Variants in SHISA9 observed in about 807,000 individuals in gnomAD.
SHISA9 encodes shisa family member 9.
A neutral mutation model predicts 38.0 loss-of-function variants in SHISA9; 13 were observed. The ratio of observed to expected loss-of-function variants is 0.34; its 90% confidence interval spans 0.22 to 0.54. The LOEUF (loss-of-function observed/expected upper bound fraction) is 0.54. Among genes scored for constraint, SHISA9 ranks in the 20% least tolerant of loss-of-function variants. SHISA9 has a pLI of 0.91. For synonymous variants in SHISA9, 275 were observed against 242.0 expected (o/e 1.14, Z -1.27); for missense variants, 538 against 575.8 (o/e 0.93, Z 0.67).
the SHISA9 span, among the ~76,000 whole-genome samples, chr16:13,406,552 C>T: frequency 1.3e-5 from 2 of 152,202 alleles, no homozygotes; most frequent in Admixed American, 1.3e-4. Context: ...CTGTCTTGTA[C>T]TCCTTCTTCA....
the SHISA9 span, among the ~76,000 whole-genome samples, chr16:13,305,923 T>TTC: frequency 6.6e-6 from 1 of 152,234 alleles, no homozygotes; most frequent in Non-Finnish European, 1.5e-5. Flanking sequence ...GCTAGACCCT[T>TTC]TCTAGAGACA....
chr16:13,406,471 T>C, the SHISA9 span, among the ~76,000 whole-genome samples: 172 of 152,336 alleles, frequency 1.1e-3, no homozygotes, highest in African/African-American at 4.1e-3. Flanking sequence ...CTAAGAAATG[T>C]GCTCTCTAGA....
intron 2 of SHISA9, among the ~76,000 whole-genome samples, chr16:13,020,802 A>G (rs1399935237): frequency 3.9e-5 from 6 of 152,192 alleles, no homozygotes. Context: ...ATAGGTTCCT[A>G]GCTGTTTGTA....
the SHISA9 span, among the ~76,000 whole-genome samples, chr16:13,411,373 CTTCTT>C: frequency 6.6e-6 from 1 of 152,234 alleles, no homozygotes; most frequent in Non-Finnish European, 1.5e-5. Flanking sequence ...ATGAACTTCT[CTTCTT>C]TAACTTCTCT....
chr16:13,011,597 C>T (rs1331153374), intron 2 of SHISA9, among the ~76,000 whole-genome samples: 2 of 152,250 alleles, frequency 1.3e-5, no homozygotes, highest in South Asian at 2.1e-4. Context: ...TCTCGGCTCA[C>T]TGCAAGCTCT....
At chr16:12,933,785 A>G (rs1398210790) in intron 2 of SHISA9, among the ~76,000 whole-genome samples, 6 of 152,158 alleles carry the variant, frequency 3.9e-5, no homozygotes, top group Admixed American at 3.9e-4. Flanking sequence ...TTCTTGTGTT[A>G]TCTAGTTAGG....
chr16:13,010,990 A>G (rs2072665575), intron 2 of SHISA9, among the ~76,000 whole-genome samples: 1 of 152,124 alleles, frequency 6.6e-6, no homozygotes, highest in Non-Finnish European at 1.5e-5. Context: ...TATTCTTATC[A>G]AGTTTCTGAA....
chr16:13,536,868 T>C, the SHISA9 span, among the ~76,000 whole-genome samples: 3 of 152,152 alleles, frequency 2.0e-5, no homozygotes, highest in African/African-American at 7.2e-5. Flanking sequence ...CTAAACAGAA[T>C]AGTGGCATGA....
chr16:13,250,759 T>A, the SHISA9 span, among the ~76,000 whole-genome samples: 2 of 152,288 alleles, frequency 1.3e-5, no homozygotes, highest in Admixed American at 1.3e-4. Context: ...GGAAGCAGAC[T>A]CTGTTGGCTG....
intron 2 of SHISA9, among the ~76,000 whole-genome samples, chr16:12,980,804 A>G (rs1359590325): frequency 1.3e-5 from 2 of 151,804 alleles, no homozygotes; most frequent in African/African-American, 4.8e-5. Flanking sequence ...CCAGTTGATT[A>G]ATTCATTCTT....
intron 2 of SHISA9, among the ~76,000 whole-genome samples, chr16:13,020,145 G>T (rs1345073194): frequency 6.6e-6 from 1 of 150,550 alleles, no homozygotes; most frequent in African/African-American, 2.5e-5. Flanking sequence ...TCCTGCCTCA[G>T]CCTCATGTGT....
intron 2 of SHISA9, among the ~76,000 whole-genome samples, chr16:13,045,013 G>A (rs538252418): frequency 4.6e-5 from 7 of 152,178 alleles, no homozygotes; most frequent in Non-Finnish European, 8.8e-5. Context: ...CCACTTCTCA[G>A]CTCTGTGGCT....
chr16:13,241,462 C>T (rs1443041286), downstream of SHISA9, among the ~76,000 whole-genome samples: 2 of 152,174 alleles, frequency 1.3e-5, no homozygotes, highest in Non-Finnish European at 2.9e-5. Flanking sequence ...GCCGAGATCA[C>T]ACCATTGCAT....
At chr16:13,350,972 A>T in the SHISA9 span, among the ~76,000 whole-genome samples, 5 of 152,202 alleles carry the variant, frequency 3.3e-5, no homozygotes, top group African/African-American at 1.2e-4. Flanking sequence ...TTCCTAGAAA[A>T]AGCTTGCAGG....
the SHISA9 span, among the ~76,000 whole-genome samples, chr16:13,480,783 C>A: frequency 1.3e-5 from 2 of 152,074 alleles, no homozygotes; most frequent in Non-Finnish European, 2.9e-5. Context: ...AACCAGTGAT[C>A]CCTTTGCTAG....
chr16:13,319,025 A>T, the SHISA9 span, among the ~76,000 whole-genome samples: 2 of 152,210 alleles, frequency 1.3e-5, no homozygotes, highest in Admixed American at 6.5e-5. Flanking sequence ...ATTTTATTTG[A>T]GAGAGTCTCA....
chr16:13,145,589 G>T (rs998883966), intron 2 of SHISA9, among the ~76,000 whole-genome samples: 1 of 152,136 alleles, frequency 6.6e-6, no homozygotes, highest in Non-Finnish European at 1.5e-5. Context: ...GACCTCACTG[G>T]GTCCTAGATT....
chr16:13,461,068 A>T, the SHISA9 span, among the ~76,000 whole-genome samples: 1 of 152,144 alleles, frequency 6.6e-6, no homozygotes, highest in Non-Finnish European at 1.5e-5. Flanking sequence ...GACAGTTTTG[A>T]TTTGCTCAAA....
At chr16:13,203,671 C>A in intron 3 of SHISA9, 122 bp downstream of exon 3, 1 of 1,086,892 alleles carries the variant, frequency 9.2e-7, no homozygotes, top group Non-Finnish European at 1.2e-6. Flanking sequence ...CTTTTTTTCT[C>A]TTTCTGCTTT....
Sources: gnomAD v4.1 joint callset for allele counts (sites outside exome capture counted in the v4.1 genomes callset) on GRCh38, gnomAD v4.1.1 for gene constraint, MANE v1.5 for transcripts, NCBI Gene and HGNC (gene_info 2026-07-23, HGNC 2026-07-21) for gene names.